RTCB: variants seen among roughly 807,000 people sequenced by gnomAD.
RTCB encodes RNA 2',3'-cyclic phosphate and 5'-OH ligase.
In RTCB, 32 loss-of-function variants were observed where a neutral mutation model predicts 58.2. The ratio of observed to expected loss-of-function variants is 0.55; its 90% CI spans 0.41 to 0.74. The LOEUF is 0.74. Ranked by LOEUF, RTCB falls within the 30% of genes least tolerant of loss-of-function variation. RTCB has a pLI of 0.00. For synonymous variants in RTCB, 247 were observed against 218.6 expected, an observed-to-expected ratio of 1.13 and a Z score of -1.15; for missense variants, 523 against 639.0, an observed-to-expected ratio of 0.82 and a Z score of 1.96.
intron 11 of RTCB, among the ~76,000 whole-genome samples, chr22:32,389,019 C>T (rs1391910857): frequency 6.6e-6 from 1 of 152,174 alleles, no homozygotes; most frequent in Non-Finnish European, 1.5e-5. Flanking sequence ...TGCCATTGGT[C>T]CCAGAAGTGG....
intron 9 of RTCB, among the ~76,000 whole-genome samples, chr22:32,394,435 G>A (rs528020293): frequency 5.9e-5 from 9 of 152,172 alleles, no homozygotes; most frequent in African/African-American, 9.7e-5. Flanking sequence ...TTCTAAACGC[G>A]CGGCTAGTAA....
intron 11 of RTCB, among the ~76,000 whole-genome samples, chr22:32,389,427 A>C (rs1933114948): frequency 6.6e-6 from 1 of 152,194 alleles, no homozygotes; most frequent in Non-Finnish European, 1.5e-5. Context: ...GGTTGAGTCC[A>C]GTGGCACAAT....
At chr22:32,408,920 A>C in intron 1 of RTCB, 87 bp from the exon 2 acceptor site, 1 of 905,576 alleles carries the variant, frequency 1.1e-6, no homozygotes, top group Non-Finnish European at 1.8e-6. Flanking sequence ...TGCAATATTT[A>C]CTGTGCTTTA....
chr22:32,405,883 C>T (rs1031461775), intron 4 of RTCB, among the ~76,000 whole-genome samples: 1 of 152,142 alleles, frequency 6.6e-6, no homozygotes, highest in African/African-American at 2.4e-5. Flanking sequence ...GAAAGCACCC[C>T]ATAACCACAG....
chr22:32,399,239 C>G (rs902867641), intron 6 of RTCB, among the ~76,000 whole-genome samples: 3 of 152,074 alleles, frequency 2.0e-5, no homozygotes, highest in Non-Finnish European at 4.4e-5. Flanking sequence ...TAGGCTCAAG[C>G]AGTCCTCCTG....
In RTCB at chr22:32,399,609, A is replaced by G. The variant is rs143001621; in HGVS notation, c.648T>C (p.Leu216=). The G allele has an allele frequency of 4.2e-4, 680 of 1,611,260 alleles. 1 individual carries two copies. The highest frequency in any genetic ancestry group is 5.5e-4 in the Non-Finnish European group (650 of 1,178,478). The change falls in exon 6 of 12, where the codon CTT becomes CTC. Residue 216 remains leucine, a synonymous_variant. Transcript: ENST00000216038. ...KVSARAKKRG[L]PQLGTLGAGN... ...CCCCTCCAAAGTGAGTTACCTGAGG[A>G]AGGCCTCTTTTCTTCGCCCTTGCAG...
intron 9 of RTCB, among the ~76,000 whole-genome samples, chr22:32,394,370 G>A (rs1015870919): frequency 2.0e-5 from 3 of 152,042 alleles, no homozygotes; most frequent in Non-Finnish European, 2.9e-5. Flanking sequence ...CTTGGCCTCC[G>A]AAAGTGCTGG....
At chr22:32,395,757 C>T (rs768763790) in intron 8 of RTCB, among the ~76,000 whole-genome samples, 1 of 152,092 alleles carries the variant, frequency 6.6e-6, no homozygotes, top group Non-Finnish European at 1.5e-5. Flanking sequence ...TGCAGTGGCA[C>T]GATCTCGGCT....
chr22:32,409,003 A>G (rs1601432436), intron 1 of RTCB, among the ~76,000 whole-genome samples, 170 bp from the exon 2 acceptor site: 1 of 152,218 alleles, frequency 6.6e-6, no homozygotes, highest in Admixed American at 6.5e-5. Context: ...AGCTGCTCCC[A>G]TCGGAAAATA....
Sources: gnomAD v4.1 joint callset for allele counts (sites outside exome capture counted in the v4.1 genomes callset) on GRCh38, gnomAD v4.1.1 for gene constraint, MANE v1.5 for transcripts, NCBI Gene and HGNC (gene_info 2026-07-23, HGNC 2026-07-21) for gene names.